Variants in PCDHA11 observed in about 807,000 individuals in gnomAD.
PCDHA11 encodes the protein protocadherin alpha 11.
A neutral mutation model predicts 70.3 loss-of-function variants in PCDHA11; 61 were observed. The ratio of observed to expected loss-of-function variants is 0.87; its 90% CI spans 0.71 to 1.07. The LOEUF is 1.07. Among genes scored for constraint, PCDHA11 ranks in the 50% least tolerant of loss-of-function variants. The pLI, the probability that PCDHA11 is intolerant of heterozygous loss-of-function variation, is 0.00. For missense variants in PCDHA11, 1,324 were observed against 1,237.5 expected (o/e 1.07, Z -1.05); for synonymous variants, 633 against 555.1 (o/e 1.14, Z -1.97).
intron 3 of PCDHA11, among the ~76,000 whole-genome samples, chr5:140,986,383 A>G (rs1277624649): frequency 2.6e-5 from 4 of 152,178 alleles, no homozygotes; most frequent in Admixed American, 1.3e-4. Flanking sequence ...GGGGAGGGAC[A>G]TTAAAGGGCC....
At chr5:140,900,438 C>G (rs573115268) in intron 1 of PCDHA11, among the ~76,000 whole-genome samples, 1 of 152,116 alleles carries the variant, frequency 6.6e-6, no homozygotes, top group East Asian at 1.9e-4. Context: ...CCACCACGGC[C>G]GGCTAATTTT....
chr5:140,955,986 C>A (rs2095245113), intron 1 of PCDHA11, among the ~76,000 whole-genome samples: 1 of 152,124 alleles, frequency 6.6e-6, no homozygotes, highest in Non-Finnish European at 1.5e-5. Flanking sequence ...GCAATTTTTG[C>A]ACATTGATTT....
chr5:141,007,551 GA>G (rs1554261384), intron 3 of PCDHA11, among the ~76,000 whole-genome samples: 1 of 152,140 alleles, frequency 6.6e-6, no homozygotes, highest in African/African-American at 2.4e-5. Flanking sequence ...TTGGGCAACA[GA>G]GCAAGGCTCT....
intron 1 of PCDHA11, among the ~76,000 whole-genome samples, chr5:140,886,142 TA>T (rs1473876165): frequency 6.6e-6 from 1 of 152,180 alleles, no homozygotes; most frequent in African/African-American, 2.4e-5. Flanking sequence ...AGATTCTTGA[TA>T]TCACCTTTTT....
At chr5:140,907,938 T>C (rs2073706734) in intron 1 of PCDHA11, among the ~76,000 whole-genome samples, 1 of 152,206 alleles carries the variant, frequency 6.6e-6, no homozygotes, top group African/African-American at 2.4e-5. Flanking sequence ...TCACATACCT[T>C]TTCCCCAAAT....
rs782610375 is a variant in PCDHA11, at chr5:140,870,837, G to A, written c.1734G>A (p.Lys578=). 9 of 1,613,702 alleles carry A rather than the reference G, an allele frequency of 5.6e-6. No individual in the cohort carries two copies. Among genetic ancestry groups the A allele is most frequent in the African/African-American group, 1.3e-5 (1 of 74,942 alleles). ...GCAGCGCGGGAGGCGCAGTTAACAAGCTAGTACCGCGGTCGGTGGGTGCGG... is the reference window on the plus strand; with the variant it reads ...GCAGCGCGGGAGGCGCAGTTAACAAACTAGTACCGCGGTCGGTGGGTGCGG... ...QAGSAGGAVN[K]LVPRSVGAGH... The change falls in exon 1 of 4, where the codon AAG becomes AAA. Residue 578 remains lysine (K), a synonymous_variant. Transcript: ENST00000398640.
intron 1 of PCDHA11, among the ~76,000 whole-genome samples, chr5:140,906,486 A>G (rs2072686991): frequency 6.6e-6 from 1 of 152,270 alleles, no homozygotes; most frequent in South Asian, 2.1e-4. Context: ...GTATAAATGC[A>G]CAAACATGTT....
intron 1 of PCDHA11, among the ~76,000 whole-genome samples, chr5:140,924,739 ACAAAAATTAACCGAG>A (rs2081980485): frequency 6.6e-6 from 1 of 151,884 alleles, no homozygotes; most frequent in Non-Finnish European, 1.5e-5. Flanking sequence ...TAATAAAAAT[ACAAAAATTAACCGAG>A]CATGGTGGTG....
rs782585618 is a variant in PCDHA11 at position 140,870,402 on chromosome 5, T to A, written c.1299T>A (p.Ser433=). The change falls in exon 1 of 4, where the codon TCT becomes TCA. Residue 433 remains serine, a synonymous_variant. Coordinates refer to ENST00000398640, the MANE Select transcript of PCDHA11 (RefSeq NM_018902.5). ...VVTARDGGSP[S]LWATARVSVE... is the part of the protein sequence containing the mutation. ...CTGCGCGGGATGGGGGTTCGCCTTC[T>A]CTGTGGGCCACGGCCAGGGTATCCG... The A allele has an allele frequency of 3.7e-6, 6 of 1,614,230 alleles. No homozygotes were observed. The highest frequency in any genetic ancestry group is 1.6e-4 in the Middle Eastern group (1 of 6,062).
At chr5:141,005,796 AAC>A (rs2098240426) in intron 3 of PCDHA11, among the ~76,000 whole-genome samples, 1 of 151,400 alleles carries the variant, frequency 6.6e-6, no homozygotes, top group Admixed American at 6.6e-5. Flanking sequence ...AGGCAAAAAC[AAC>A]TCCAAGGAGC....
Position 140,868,979 on chromosome 5 carries a change from C to A in PCDHA11, c.-125C>A. The A allele has an allele frequency of 6.7e-7, 1 of 1,485,290 alleles. No homozygotes were observed. The highest frequency in any genetic ancestry group is 9.0e-7 in the Non-Finnish European group (1 of 1,111,108). 92.0% of individuals were successfully genotyped at this position (1,485,290 alleles called of 1,614,324 possible). A position where few individuals can be genotyped will look rare whatever the true frequency, so the allele number is the denominator to read the frequency against. On this transcript the variant is annotated 5_prime_UTR_variant, in exon 1 of 4. Coordinates refer to ENST00000398640, the MANE Select transcript of PCDHA11 (RefSeq NM_018902.5). ...CCCATACAAAGGAACTCCATCATAC[C>A]GGATGCCACCGTTTAAGGATCCTTT...
chr5:140,933,695 G>A lies in PCDHA11; in HGVS notation c.2392-45254G>A, dbSNP rs575994908. On this transcript the variant is annotated intron_variant, in intron 1 of 3. Coordinates refer to ENST00000398640, the MANE Select transcript of PCDHA11 (RefSeq NM_018902.5). ...TCTCACATTTTTTTTCCTATTCCTCGGACACATTTACTGAGATTGGTGATA... is the reference window on the plus strand; with the variant it reads ...TCTCACATTTTTTTTCCTATTCCTCAGACACATTTACTGAGATTGGTGATA... Among the ~76,000 whole-genome samples the A allele has an allele frequency of 1.8e-4, 27 of 151,494 alleles. 1 individual carries two copies. The South Asian group carries it at 3.7e-3, about 21-fold the overall frequency.
In PCDHA11 at chr5:140,870,040, A is replaced by G; in HGVS notation, c.937A>G (p.Lys313Glu). 1.2e-6 allele frequency: 2 copies of G among 1,613,768 alleles called. No individual in the cohort carries two copies. Among genetic ancestry groups the G allele is most frequent in the Non-Finnish European group, 1.7e-6 (2 of 1,179,886 alleles). The change falls in exon 1 of 4, where the codon AAG becomes GAG. Residue 313 changes from lysine (K) to glutamate (E), a missense_variant. Coordinates refer to ENST00000398640, the MANE Select transcript of PCDHA11 (RefSeq NM_018902.5). ...VNGTLDYEEN[K>E]FYKIEVQATD... ...TGGAACTTTAGATTATGAAGAAAAC[A>G]AGTTTTATAAAATTGAAGTACAGGC...
Position 140,893,497 on chromosome 5 carries a change from GA to G in PCDHA11, c.2391+22012del, listed in dbSNP as rs1157700367. Among the ~76,000 whole-genome samples the G allele has an allele frequency of 3.1e-4, 47 of 150,168 alleles. No individual in the cohort carries two copies. The Middle Eastern group carries it at 0.01, about 33-fold the overall frequency. ...GCAAGACCCTGTTCTTCACAAAAAAGAAAAAAAAAGCAGTTGTAGAACTCCT... is the reference window on the plus strand; with the variant it reads ...GCAAGACCCTGTTCTTCACAAAAAAGAAAAAAAAGCAGTTGTAGAACTCCT... On this transcript the variant is annotated intron_variant, in intron 1 of 3. Transcript: ENST00000398640.
chr5:140,884,217 T>A (rs782181432), intron 1 of PCDHA11: 4 of 1,613,448 alleles, frequency 2.5e-6, no homozygotes, highest in Non-Finnish European at 3.4e-6. Flanking sequence ...CTTCTGGTGC[T>A]GGTGAAGGAC....
Position 140,889,101 on chromosome 5 carries a change from T to C in PCDHA11, c.2391+17607T>C, listed in dbSNP as rs115792966. On this transcript the variant is annotated intron_variant, in intron 1 of 3. Transcript: ENST00000398640. ...TTAAATTTTCAAAACAATTTTTTCA[T>C]CTTTATTCCAGGTGATACTGATATG... Among the ~76,000 whole-genome samples the C allele has an allele frequency of 7.5e-3, 1,145 of 152,066 alleles. 15 individuals carry two copies. Among genetic ancestry groups the C allele is most frequent in the African/African-American group, 0.026 (1,085 of 41,518 alleles).
chr5:140,967,503 G>A (rs369053625), intron 1 of PCDHA11: 14 of 1,612,820 alleles, frequency 8.7e-6, no homozygotes, highest in African/African-American at 2.7e-5. Flanking sequence ...ATCTCTGTGC[G>A]TGTCCTGGAC....
At position 140,937,140 on chromosome 5, in the gene PCDHA11, C is replaced by T. The variant is rs553273845; in HGVS notation, c.2392-41809C>T. Among the ~76,000 whole-genome samples, 820 of 151,358 alleles carry T rather than the reference C, an allele frequency of 5.4e-3. 1 individual carries two copies. The highest frequency in any genetic ancestry group is 0.019 in the African/African-American group (789 of 41,228). On this transcript the variant is annotated intron_variant, in intron 1 of 3. Transcript: ENST00000398640. Reference sequence around the variant, plus strand: ...GCAAGCTCCGCCTCCCGGGTTCATGCCATTCTCCTGCCTCAGCCTCCCGAG... The same window carrying T: ...GCAAGCTCCGCCTCCCGGGTTCATGTCATTCTCCTGCCTCAGCCTCCCGAG...
chr5:140,965,976 G>A (rs2095953776), intron 1 of PCDHA11, among the ~76,000 whole-genome samples: 1 of 152,154 alleles, frequency 6.6e-6, no homozygotes, highest in Non-Finnish European at 1.5e-5. Context: ...CCTAGGAGTT[G>A]AGCACTTTCT....
Sources: gnomAD v4.1 joint callset for allele counts (sites outside exome capture counted in the v4.1 genomes callset) on GRCh38, gnomAD v4.1.1 for gene constraint, MANE v1.5 for transcripts, NCBI Gene and HGNC (gene_info 2026-07-23, HGNC 2026-07-21) for gene names.